UQCRC2: variants seen among roughly 807,000 people sequenced by gnomAD.
UQCRC2 encodes the protein cytochrome b-c1 complex subunit 2, mitochondrial.
In UQCRC2, 49 loss-of-function variants were observed where a neutral mutation model predicts 55.6. That is an observed-to-expected ratio of 0.88 (90% CI 0.70 to 1.12). The LOEUF (loss-of-function observed/expected upper bound fraction) is 1.12. Ranked by LOEUF, UQCRC2 falls within the 50% of genes most tolerant of loss-of-function variation. UQCRC2 has a pLI of 0.00. For missense variants in UQCRC2, 506 were observed against 547.8 expected, an observed-to-expected ratio of 0.92 and a Z score of 0.76; for synonymous variants, 193 against 192.0, an observed-to-expected ratio of 1.01 and a Z score of -0.04.
intron 7 of UQCRC2, among the ~76,000 whole-genome samples, chr16:21,968,098 T>G (rs1276057384): frequency 2.6e-5 from 4 of 151,348 alleles, no homozygotes; most frequent in African/African-American, 9.7e-5. Context: ...GCCTCCTGGA[T>G]TCAAACAATT....
chr16:21,980,437 T>C, intron 12 of UQCRC2, 110 bp from the exon 13 acceptor site: 1 of 1,152,304 alleles, frequency 8.7e-7, no homozygotes, highest in South Asian at 1.5e-5. Flanking sequence ...GACACGCTGT[T>C]ACTCTATCCA....
intron 4 of UQCRC2, among the ~76,000 whole-genome samples, chr16:21,958,973 G>A (rs149885430): frequency 7.3e-4 from 111 of 152,004 alleles, no homozygotes; most frequent in Middle Eastern, 3.4e-3. Context: ...TTTTGTCTTG[G>A]AAAAAAAGTA....
rs1898386537 is a variant in UQCRC2 at position 21,968,690 on chromosome 16, G to C, written c.670+5G>C. ...GAATGGCTTTGATTGGACTTGGTAA[G>C]TTTAGAGTATTGCCTGCCTGTCAGT... is the stretch of plus-strand genomic sequence containing the variant. On this transcript the variant is annotated splice_donor_5th_base_variant and intron_variant, in intron 8 of 13. Coordinates refer to ENST00000268379, the MANE Select transcript of UQCRC2 (RefSeq NM_003366.4). 1.2e-6 allele frequency: 2 copies of C among 1,605,258 alleles called. No individual in the cohort carries two copies. The highest frequency in any genetic ancestry group is 4.5e-5 in the East Asian group (2 of 44,428).
At chr16:21,957,962 G>A (rs1370461197) in intron 3 of UQCRC2, among the ~76,000 whole-genome samples, 3 of 152,156 alleles carry the variant, frequency 2.0e-5, no homozygotes, top group Non-Finnish European at 4.4e-5. Context: ...CTCCTGATAA[G>A]GATACCAGTT....
chr16:21,962,193 C>T lies in UQCRC2; in HGVS notation c.333-267C>T, dbSNP rs1178425554. 1.8e-5 allele frequency: 8 copies of T among 433,052 alleles called. 1 individual carries two copies. The highest frequency in any genetic ancestry group is 6.4e-4 in the Middle Eastern group (1 of 1,552). 26.8% of individuals were successfully genotyped at this position (433,052 alleles called of 1,614,324 possible). On this transcript the variant is annotated intron_variant, in intron 4 of 13. Transcript: ENST00000268379. Reference sequence around the variant, plus strand: ...ACAATATTTGTCCCTTTGTGACTGGCTTATTATCCTTAGCATAATGTCCTC... The same window carrying T: ...ACAATATTTGTCCCTTTGTGACTGGTTTATTATCCTTAGCATAATGTCCTC...
chr16:21,983,124 G>A lies in UQCRC2; in HGVS notation c.1315G>A (p.Ala439Thr), dbSNP rs751628114. Residue 439 changes from alanine (A) to threonine (T), a missense_variant, in exon 14 of 14, where the codon GCA becomes ACA. Ala to Thr is a moderately conservative substitution (Grantham distance 58). Transcript: ENST00000268379. ...KKFVSGQKSM[A>T]ASGNLGHTPF... ...GTTTGTTTCTGGCCAGAAGTCAATG[G>A]CAGCAAGTGGAAATTTGGGACATAC... 15 of 1,614,104 alleles carry A rather than the reference G, an allele frequency of 9.3e-6. No homozygotes were observed. The highest frequency in any genetic ancestry group is 2.7e-5 in the African/African-American group (2 of 75,010).
chr16:21,963,413 T>A (rs1450087554), intron 6 of UQCRC2, among the ~76,000 whole-genome samples: 3 of 152,174 alleles, frequency 2.0e-5, no homozygotes, highest in Non-Finnish European at 4.4e-5. Context: ...GTAAGTAAAT[T>A]GTTTGTAAGA....
intron 4 of UQCRC2, among the ~76,000 whole-genome samples, chr16:21,959,137 T>TTA (rs1898144159): frequency 6.6e-6 from 1 of 152,234 alleles, no homozygotes; most frequent in Non-Finnish European, 1.5e-5. Context: ...TGGTGGTGAC[T>TTA]GATAATTTCT....
In UQCRC2 at chr16:21,983,448, T is replaced by G. The variant is rs2141951982; in HGVS notation, c.*277T>G. The G allele has an allele frequency of 2.3e-6, 1 of 437,440 alleles. No homozygotes were observed. Among genetic ancestry groups the G allele is most frequent in the Non-Finnish European group, 4.0e-6 (1 of 250,432 alleles). The allele number at this position is 437,440 out of a possible 1,614,324, so 27.1% of individuals were successfully genotyped here. On this transcript the variant is annotated 3_prime_UTR_variant, in exon 14 of 14. Transcript: ENST00000268379. Reference sequence around the variant, plus strand: ...TTTAAAGGAGACAGGAATATAATTATTGAGTATAGAAGCATCAGAAACTAT... The same window carrying G: ...TTTAAAGGAGACAGGAATATAATTAGTGAGTATAGAAGCATCAGAAACTAT...
In UQCRC2 at chr16:21,973,957, A is replaced by G. The variant is rs773330878; in HGVS notation, c.1028A>G (p.Gln343Arg). ...CTCTTTGGGATTTATACTATCTCCCAGGCCACAGCTGCTGGAGATGTAAGT... is the reference window on the plus strand; with the variant it reads ...CTCTTTGGGATTTATACTATCTCCCGGGCCACAGCTGCTGGAGATGTAAGT... ...SGLFGIYTIS[Q>R]ATAAGDVIKA... Residue 343 changes from glutamine to arginine, a missense_variant, in exon 11 of 14, where the codon CAG becomes CGG. Coordinates refer to ENST00000268379, the MANE Select transcript of UQCRC2 (RefSeq NM_003366.4). 5.3e-5 allele frequency: 86 copies of G among 1,609,190 alleles called. 1 individual carries two copies. The South Asian group carries it at 9.2e-4, about 17-fold the overall frequency.
At chr16:21,962,177 G>T in intron 4 of UQCRC2, 1 of 384,680 alleles carries the variant, frequency 2.6e-6, no homozygotes, top group Non-Finnish European at 4.8e-6. Context: ...TACAATATTT[G>T]TCCCTTTGTG....
intron 9 of UQCRC2, 62 bp downstream of exon 9, chr16:21,971,682 T>C: frequency 1.3e-6 from 2 of 1,536,402 alleles, no homozygotes; most frequent in East Asian, 2.3e-5. Flanking sequence ...TAGAATAGCA[T>C]ATTGAGGTGG....
rs536937168 is a variant in UQCRC2, at chr16:21,982,960, C to A, written c.1279-128C>A. 19 of 823,652 alleles carry A rather than the reference C, an allele frequency of 2.3e-5. No individual in the cohort carries two copies. The South Asian group carries it at 3.5e-4, about 15-fold the overall frequency. 51.0% of individuals were successfully genotyped at this position (823,652 alleles called of 1,614,324 possible). A position where few individuals can be genotyped will look rare whatever the true frequency, so the allele number is the denominator to read the frequency against. On this transcript the variant is annotated intron_variant, in intron 13 of 13. Transcript: ENST00000268379. ...CACTGGGTGACAGAGCGAGACTCCACCTCAAAAAAAAAAAAAAAAAAAAGA... is the reference window on the plus strand; with the variant it reads ...CACTGGGTGACAGAGCGAGACTCCAACTCAAAAAAAAAAAAAAAAAAAAGA...
chr16:21,969,839 C>T (rs911844333), intron 8 of UQCRC2, among the ~76,000 whole-genome samples: 3 of 151,912 alleles, frequency 2.0e-5, no homozygotes, highest in African/African-American at 4.8e-5. Flanking sequence ...TCATCTTCCC[C>T]CTGCCTGTGG....
intron 12 of UQCRC2, among the ~76,000 whole-genome samples, chr16:21,979,484 A>G (rs1025374985): frequency 2.0e-5 from 3 of 152,180 alleles, no homozygotes; most frequent in Admixed American, 1.3e-4. Context: ...GGTATAGTCT[A>G]TTGCTCTTAG....
chr16:21,980,516 C>CT, intron 12 of UQCRC2, 31 bp from the exon 13 acceptor site: 1 of 1,605,022 alleles, frequency 6.2e-7, no homozygotes, highest in South Asian at 1.1e-5. Flanking sequence ...GCCTTGCTCT[C>CT]TAAAACTGAC....
chr16:21,975,812 C>T (rs1190744426), intron 11 of UQCRC2, among the ~76,000 whole-genome samples: 2 of 152,026 alleles, frequency 1.3e-5, no homozygotes, highest in Non-Finnish European at 2.9e-5. Context: ...TGTGTTTGGC[C>T]GGGTGTGGTG....
chr16:21,977,140 G>T (rs899166828), intron 12 of UQCRC2, among the ~76,000 whole-genome samples: 1 of 152,066 alleles, frequency 6.6e-6, no homozygotes, highest in Non-Finnish European at 1.5e-5. Context: ...GATCACTTGA[G>T]GCCAGGAGTT....
chr16:21,957,583 C>T lies in UQCRC2; in HGVS notation c.267+17C>T. On this transcript the variant is annotated intron_variant, in intron 3 of 13. Transcript: ENST00000268379. ...TCCAGTCTGGTGAGTATCTTCACTT[C>T]CTCAAGTGTTTGGAAATGCTGTGGT... The T allele has an allele frequency of 6.2e-7, 1 of 1,611,090 alleles. No homozygotes were observed. The highest frequency in any genetic ancestry group is 8.5e-7 in the Non-Finnish European group (1 of 1,179,026).
Sources: allele counts gnomAD v4.1 joint callset (sites outside exome capture counted in the v4.1 genomes callset), GRCh38; gene constraint gnomAD v4.1.1; transcripts MANE v1.5; gene names NCBI Gene and HGNC (gene_info 2026-07-23, HGNC 2026-07-21).